The following TMC7 variants were observed in gnomAD, a reference collection of about 807,000 sequenced individuals.
TMC7 encodes transmembrane channel-like protein 7.
In TMC7, 54 loss-of-function variants were observed where a neutral mutation model predicts 82.9. The ratio of observed to expected loss-of-function variants is 0.65; its 90% CI spans 0.52 to 0.82. The LOEUF (loss-of-function observed/expected upper bound fraction) is 0.82, where lower values mean the gene tolerates loss of function less well. Ranked by LOEUF, TMC7 falls within the 40% of genes least tolerant of loss-of-function variation. The probability of loss-of-function intolerance (pLI) is 0.00; values close to 1 mark genes in which losing one functional copy is unlikely to be tolerated. For synonymous variants in TMC7, 350 were observed against 337.9 expected (o/e 1.04, Z -0.39); for missense variants, 820 against 901.2 (o/e 0.91, Z 1.15).
intron 2 of TMC7, among the ~76,000 whole-genome samples, chr16:19,014,614 T>C (rs1959581200): frequency 6.6e-6 from 1 of 152,184 alleles, no homozygotes. Context: ...CACCTTCTCT[T>C]TCCCCTGCTC....
In TMC7 at chr16:19,047,025, A is replaced by G. The variant is rs561118727; in HGVS notation, c.1554-38A>G. 6 of 1,551,862 alleles carry G rather than the reference A, an allele frequency of 3.9e-6. No homozygotes were observed. In the African/African-American group the frequency reaches 6.8e-5, roughly 18 times the overall value. ...TGTGATATGGTTCTGTGGCCTTGGC[A>G]GACACCAGTAGCCCAAATGAGAATT... is the stretch of plus-strand genomic sequence containing the variant. On this transcript the variant is annotated intron_variant, in intron 11 of 15. Coordinates refer to ENST00000304381, the MANE Select transcript of TMC7 (RefSeq NM_024847.4).
intron 6 of TMC7, chr16:19,033,486 AGCTC>A (rs1960609487): frequency 6.6e-6 from 1 of 152,270 alleles, no homozygotes; most frequent in South Asian, 2.1e-4. Context: ...GTTCAAGACC[AGCTC>A]TGGGCAACAT....
chr16:18,992,635 C>A (rs2038972570), intron 1 of TMC7, among the ~76,000 whole-genome samples: 3 of 152,156 alleles, frequency 2.0e-5, no homozygotes, highest in Admixed American at 2.0e-4. Context: ...GCTTCTGTTG[C>A]CATTGCTTTT....
At position 19,049,932 on chromosome 16, in the gene TMC7, C is replaced by T. The variant is rs780086289; in HGVS notation, c.1741-1754C>T. 1.8e-3 allele frequency among the ~76,000 whole-genome samples: 268 copies of T among 152,176 alleles called. 4 individuals carry two copies. The highest frequency in any genetic ancestry group is 0.014 in the Middle Eastern group (4 of 294). On this transcript the variant is annotated intron_variant, in intron 12 of 15. Transcript: ENST00000304381. ...TGATATTTCCTTCAAGTCTTTCTTC[C>T]CTCAATGGAAATACTTATTTTTAAC...
Position 18,984,874 on chromosome 16 carries a change from C to T in TMC7, c.67+744C>T, listed in dbSNP as rs115390640. 2.0e-3 allele frequency among the ~76,000 whole-genome samples: 297 copies of T among 152,274 alleles called. 2 individuals carry two copies. The highest frequency in any genetic ancestry group is 7.0e-3 in the African/African-American group (289 of 41,552). ...GGTTCCTTGTAGCATTTGGAGCTTA[C>T]GAATCTTGTCCTGAACAAAACACAA... On this transcript the variant is annotated intron_variant, in intron 1 of 15. Transcript: ENST00000304381.
chr16:19,006,149 A>G (rs1340664058), intron 1 of TMC7, among the ~76,000 whole-genome samples: 1 of 151,626 alleles, frequency 6.6e-6, no homozygotes, highest in Non-Finnish European at 1.5e-5. Context: ...GTTCATAAAC[A>G]GGCTGTGTAG....
intron 1 of TMC7, among the ~76,000 whole-genome samples, chr16:18,988,975 G>T (rs4782189): frequency 0.3 from 45,729 of 151,230 alleles, 7,247 homozygotes; most frequent in Non-Finnish European, 0.36. Flanking sequence ...GCTTGATCCC[G>T]GGAGCAGAGG....
At chr16:19,026,773 G>C (rs890940639) in intron 5 of TMC7, among the ~76,000 whole-genome samples, 18 of 151,818 alleles carry the variant, frequency 1.2e-4, no homozygotes, top group Admixed American at 9.2e-4. Flanking sequence ...TTTTTTGTTT[G>C]TTTTTTGAGA....
At chr16:18,992,384 T>A (rs969864048) in intron 1 of TMC7, among the ~76,000 whole-genome samples, 1 of 152,204 alleles carries the variant, frequency 6.6e-6, no homozygotes, top group African/African-American at 2.4e-5. Context: ...TGTTGGCTTC[T>A]TAAATGTCTT....
chr16:18,984,096 C>T lies in TMC7; in HGVS notation c.33C>T (p.Pro11=), dbSNP rs747991730. The stretch of plus-strand genomic sequence containing the variant: ...AGTCCAGCGGCAGTGCGCTCCAGCC[C>T]GGCAGGCCCAGCCGGCAGCCGGCGG... MSESSGSALQ[P]GRPSRQPAVH... is the part of the protein sequence containing the mutation. Residue 11 remains proline, a synonymous_variant, in exon 1 of 16, where the codon CCC becomes CCT. Coordinates refer to ENST00000304381, the MANE Select transcript of TMC7 (RefSeq NM_024847.4). 2.9e-5 allele frequency: 44 copies of T among 1,503,054 alleles called. No homozygotes were observed. Among genetic ancestry groups the T allele is most frequent in the Non-Finnish European group, 3.6e-5 (41 of 1,134,086 alleles). The allele number at this position is 1,503,054 out of a possible 1,614,324, so 93.1% of individuals were successfully genotyped here. A position where few individuals can be genotyped will look rare whatever the true frequency, so the allele number is the denominator to read the frequency against.
At chr16:19,015,645 T>C (rs528378296) in intron 2 of TMC7, among the ~76,000 whole-genome samples, 12 of 151,556 alleles carry the variant, frequency 7.9e-5, no homozygotes, top group African/African-American at 2.9e-4. Context: ...TGGCATGATC[T>C]CGGCTCACTG....
chr16:19,056,534 C>G lies in TMC7; in HGVS notation c.1872-8C>G. ...TCCTTCTGAGCCCGTTGGTCTGTGT[C>G]CTGGCAGCATCCCTTCCTCGAAAGC... is the stretch of plus-strand genomic sequence containing the variant. On this transcript the variant is annotated splice_polypyrimidine_tract_variant and splice_region_variant and intron_variant, in intron 13 of 15. Transcript: ENST00000304381. 6.2e-7 allele frequency: 1 copy of G among 1,612,330 alleles called. No homozygotes were observed. Among genetic ancestry groups the G allele is most frequent in the Non-Finnish European group, 8.5e-7 (1 of 1,179,134 alleles).
chr16:18,994,675 A>G (rs1596717252), intron 1 of TMC7, among the ~76,000 whole-genome samples: 1 of 152,056 alleles, frequency 6.6e-6, no homozygotes, highest in African/African-American at 2.4e-5. Flanking sequence ...AGGAGAGTAT[A>G]TGGGTTTGGC....
chr16:18,990,327 G>GC (rs2038928245), intron 1 of TMC7, among the ~76,000 whole-genome samples: 1 of 152,174 alleles, frequency 6.6e-6, no homozygotes, highest in Non-Finnish European at 1.5e-5. Context: ...CAATGGCCTG[G>GC]CTTGGCTTGG....
At chr16:19,006,658 A>T (rs1287068744) in intron 1 of TMC7, among the ~76,000 whole-genome samples, 2 of 152,282 alleles carry the variant, frequency 1.3e-5, no homozygotes, top group East Asian at 3.9e-4. Flanking sequence ...GGCTTAAGCC[A>T]TGTTGTTATT....
chr16:18,990,564 C>A (rs1472452501), intron 1 of TMC7, among the ~76,000 whole-genome samples: 1 of 152,086 alleles, frequency 6.6e-6, no homozygotes, highest in African/African-American at 2.4e-5. Context: ...ACAGGCTTTG[C>A]GTGAGCAGCG....
At position 18,983,939 on chromosome 16, in the gene TMC7, G is replaced by T; in HGVS notation, c.-125G>T. 1.8e-6 allele frequency: 2 copies of T among 1,085,728 alleles called. No homozygotes were observed. Among genetic ancestry groups the T allele is most frequent in the South Asian group, 2.3e-5 (1 of 43,672 alleles). The allele number at this position is 1,085,728 out of a possible 1,614,324, so 67.3% of individuals were successfully genotyped here. A position where few individuals can be genotyped will look rare whatever the true frequency, so the allele number is the denominator to read the frequency against. The stretch of plus-strand genomic sequence containing the variant: ...GCTCCTCGCGGGGGCGCCCCACTCC[G>T]GCTTCTGTGATGTCAGCGCCGGAAC... On this transcript the variant is annotated 5_prime_UTR_variant, in exon 1 of 16. Coordinates refer to ENST00000304381, the MANE Select transcript of TMC7 (RefSeq NM_024847.4).
intron 13 of TMC7, among the ~76,000 whole-genome samples, chr16:19,054,513 C>T (rs1190906997): frequency 2.0e-5 from 3 of 151,914 alleles, no homozygotes; most frequent in Admixed American, 6.6e-5. Flanking sequence ...GTCAGGAGTT[C>T]GAGACCAGCC....
At chr16:19,023,829 A>G (rs1359504440) in intron 5 of TMC7, among the ~76,000 whole-genome samples, 5 of 152,202 alleles carry the variant, frequency 3.3e-5, no homozygotes, top group Non-Finnish European at 7.3e-5. Flanking sequence ...ATGAACCCAG[A>G]TAGAATGTTT....
Sources: gnomAD v4.1 joint callset for allele counts (sites outside exome capture counted in the v4.1 genomes callset) on GRCh38, gnomAD v4.1.1 for gene constraint, MANE v1.5 for transcripts, NCBI Gene and HGNC (gene_info 2026-07-23, HGNC 2026-07-21) for gene names.